Variants in DEPDC4 observed in about 807,000 individuals in gnomAD.
DEPDC4 encodes the protein DEP domain containing 4.
In DEPDC4, 52 loss-of-function variants were observed where a neutral mutation model predicts 52.0. That is an observed-to-expected ratio of 1.00 (90% CI 0.80 to 1.26). DEPDC4 has a LOEUF of 1.26. DEPDC4 is among the 50% of genes most tolerant of loss of function. The pLI is 0.00. For synonymous variants in DEPDC4, 201 were observed against 196.8 expected, an observed-to-expected ratio of 1.02 and a Z score of -0.18; for missense variants, 530 against 546.9, an observed-to-expected ratio of 0.97 and a Z score of 0.31.
intron 8 of DEPDC4, among the ~76,000 whole-genome samples, chr12:100,248,550 G>A (rs1023121314): frequency 1.3e-5 from 2 of 152,118 alleles, no homozygotes; most frequent in Non-Finnish European, 2.9e-5. Context: ...AGGCAAGGGA[G>A]AGAGGATGAA....
chr12:100,276,488 A>G, the DEPDC4 span, among the ~76,000 whole-genome samples: 14 of 152,006 alleles, frequency 9.2e-5, no homozygotes. Context: ...ACACACCACT[A>G]TGCCCTGCAC....
At chr12:100,262,098 G>C (rs1051250500) in intron 3 of DEPDC4, among the ~76,000 whole-genome samples, 166 bp downstream of exon 3, 4 of 152,194 alleles carry the variant, frequency 2.6e-5, no homozygotes, top group African/African-American at 9.7e-5. Flanking sequence ...CTTGGTTGCA[G>C]GATGTTGATA....
intron 8 of DEPDC4, among the ~76,000 whole-genome samples, chr12:100,248,430 A>C (rs537867095): frequency 2.0e-5 from 3 of 152,216 alleles, no homozygotes; most frequent in African/African-American, 7.2e-5. Context: ...ATAAGTTAAA[A>C]CATAAGATCA....
chr12:100,244,236 A>G (rs905194757), intron 8 of DEPDC4, among the ~76,000 whole-genome samples: 1 of 150,678 alleles, frequency 6.6e-6, no homozygotes, highest in African/African-American at 2.4e-5. Flanking sequence ...GCTGGAATGC[A>G]GTGGCGCGAT....
chr12:100,255,500 TC>T (rs578037895), intron 4 of DEPDC4, among the ~76,000 whole-genome samples: 15 of 152,292 alleles, frequency 9.8e-5, no homozygotes, highest in South Asian at 2.1e-4. Flanking sequence ...CCTGCTGGAA[TC>T]CCAACAGTAC....
chr12:100,265,357 A>G (rs1248560824), intron 1 of DEPDC4, among the ~76,000 whole-genome samples: 1 of 152,194 alleles, frequency 6.6e-6, no homozygotes, highest in Non-Finnish European at 1.5e-5. Context: ...GCACTTTGGG[A>G]GGCTGAGGCA....
intron 1 of DEPDC4, among the ~76,000 whole-genome samples, 175 bp from the exon 2 acceptor site, chr12:100,264,068 G>C (rs1346856377): frequency 6.6e-6 from 1 of 152,002 alleles, no homozygotes; most frequent in African/African-American, 2.4e-5. Flanking sequence ...GCACCATGTG[G>C]GTCTGCCAAT....
the DEPDC4 span, among the ~76,000 whole-genome samples, chr12:100,277,355 T>C: frequency 6.6e-6 from 1 of 152,242 alleles, no homozygotes; most frequent in Non-Finnish European, 1.5e-5. Context: ...GTGAGAACTC[T>C]TGAAGTCTCC....
At chr12:100,245,659 A>G (rs2096182124) in intron 8 of DEPDC4, among the ~76,000 whole-genome samples, 1 of 152,074 alleles carries the variant, frequency 6.6e-6, no homozygotes, top group Non-Finnish European at 1.5e-5. Context: ...TTCATCCCTC[A>G]TGCCTGTGCA....
At chr12:100,276,180 T>G in the DEPDC4 span, among the ~76,000 whole-genome samples, 5 of 152,208 alleles carry the variant, frequency 3.3e-5, no homozygotes, top group African/African-American at 1.2e-4. Context: ...CCTCCCCTCT[T>G]CTATTTTCTG....
intron 8 of DEPDC4, 142 bp downstream of exon 8, chr12:100,248,758 G>T: frequency 5.5e-6 from 1 of 182,170 alleles, no homozygotes; most frequent in Non-Finnish European, 1.0e-5. Flanking sequence ...TTGCCCTGGA[G>T]ATACTAAAAA....
chr12:100,246,354 C>A (rs966022466), intron 8 of DEPDC4, among the ~76,000 whole-genome samples: 1 of 152,112 alleles, frequency 6.6e-6, no homozygotes, highest in Non-Finnish European at 1.5e-5. Flanking sequence ...ATATCCCTGT[C>A]AGATTTTTAT....
the DEPDC4 span, among the ~76,000 whole-genome samples, chr12:100,280,163 GT>G: frequency 2.6e-5 from 4 of 152,126 alleles, no homozygotes; most frequent in Non-Finnish European, 5.9e-5. Context: ...ATTTTGTTCA[GT>G]TTTCTAGTTG....
Position 100,252,297 on chromosome 12 carries a change from T to C in DEPDC4, c.1253A>G (p.Asp418Gly). The change falls in exon 7 of 10, where the codon GAT becomes GGT. Residue 418 changes from aspartate (D) to glycine (G), a missense_variant. Asp to Gly is a moderately conservative substitution (Grantham distance 94). Coordinates refer to ENST00000550587, the MANE Select transcript of DEPDC4 (RefSeq NM_001364818.2). ...AGTTTTCAGGACCACTGTTTTATTATCATACTGTAAACAGAAAGATTAACA... is the reference window on the plus strand; with the variant it reads ...AGTTTTCAGGACCACTGTTTTATTACCATACTGTAAACAGAAAGATTAACA... ...PNAYKLQKQY[D>G]NKTVVLKTLA... 2 of 1,462,176 alleles carry C rather than the reference T, an allele frequency of 1.4e-6. No homozygotes were observed. The highest frequency in any genetic ancestry group is 1.8e-6 in the Non-Finnish European group (2 of 1,110,436). 90.6% of individuals were successfully genotyped at this position (1,462,176 alleles called of 1,614,324 possible).
chr12:100,276,808 TTC>T, the DEPDC4 span, among the ~76,000 whole-genome samples: 6 of 152,226 alleles, frequency 3.9e-5, no homozygotes, highest in South Asian at 1.0e-3. Flanking sequence ...TATTTTAATT[TTC>T]TCTTTTTCTA....
intron 9 of DEPDC4, among the ~76,000 whole-genome samples, chr12:100,234,206 C>T (rs2096138168): frequency 6.6e-6 from 1 of 152,126 alleles, no homozygotes; most frequent in South Asian, 2.1e-4. Context: ...TGATTTTATT[C>T]AGGACCATCA....
In DEPDC4 at chr12:100,241,812, T is replaced by G; in HGVS notation, c.*80A>C. The G allele has an allele frequency of 8.2e-7, 1 of 1,226,510 alleles. No individual in the cohort carries two copies. The highest frequency in any genetic ancestry group is 1.0e-6 in the Non-Finnish European group (1 of 962,472). 76.0% of individuals were successfully genotyped at this position (1,226,510 alleles called of 1,614,324 possible). ...TGTCCTTCCCTTCTGCTTTTCAAAC[T>G]CCTTGTATGTCAAGGGTTGGCAAAA... On this transcript the variant is annotated 3_prime_UTR_variant, in exon 10 of 10. Transcript: ENST00000550587.
intron 2 of DEPDC4, 73 bp downstream of exon 2, chr12:100,263,424 G>A (rs1290278278): frequency 2.4e-6 from 3 of 1,226,148 alleles, no homozygotes; most frequent in Non-Finnish European, 3.3e-6. Context: ...GTACACATTC[G>A]AGTTTAGCTC....
chr12:100,269,820 C>T (rs1200200844), upstream of DEPDC4, among the ~76,000 whole-genome samples: 1 of 152,100 alleles, frequency 6.6e-6, no homozygotes, highest in East Asian at 1.9e-4. Flanking sequence ...ATATACTTCA[C>T]CTTTATAGGT....
Sources: gnomAD v4.1 joint callset for allele counts (sites outside exome capture counted in the v4.1 genomes callset) on GRCh38, gnomAD v4.1.1 for gene constraint, MANE v1.5 for transcripts, NCBI Gene and HGNC (gene_info 2026-07-23, HGNC 2026-07-21) for gene names.